The following DACH2 variants were observed in gnomAD, a reference collection of about 807,000 sequenced individuals.
DACH2 encodes dachshund family transcription factor 2.
A neutral mutation model predicts 35.8 loss-of-function variants in DACH2; 17 were observed. That is an observed-to-expected ratio of 0.48 (90% CI 0.33 to 0.71). The LOEUF (loss-of-function observed/expected upper bound fraction) is 0.71, where lower values mean the gene tolerates loss of function less well. Among genes scored for constraint, DACH2 ranks in the 30% least tolerant of loss-of-function variants. DACH2 has a pLI of 0.02. For synonymous variants in DACH2, 195 were observed against 177.3 expected (o/e 1.10, Z -0.79); for missense variants, 469 against 472.7 (o/e 0.99, Z 0.07).
intron 1 of DACH2, among the ~76,000 whole-genome samples, chrX:86,206,353 G>A (rs779744033): frequency 8.9e-6 from 1 of 111,796 alleles, no homozygotes; most frequent in South Asian, 3.7e-4. Flanking sequence ...GGCACATGGT[G>A]AAGAATGCGC....
intron 5 of DACH2, among the ~76,000 whole-genome samples, chrX:86,703,623 C>A (rs1268355051): frequency 9.0e-6 from 1 of 111,317 alleles, no homozygotes; most frequent in African/African-American, 3.3e-5. Context: ...TTCTATACAC[C>A]CATAAGATTC....
At chrX:86,474,556 C>A (rs1219783991) in intron 2 of DACH2, among the ~76,000 whole-genome samples, 1 of 111,595 alleles carries the variant, frequency 9.0e-6, no homozygotes, top group Non-Finnish European at 1.9e-5. Flanking sequence ...AGATAGGGGT[C>A]TAGTTTCATT....
chrX:86,341,298 T>C (rs1353342889), intron 1 of DACH2, among the ~76,000 whole-genome samples: 1 of 111,573 alleles, frequency 9.0e-6, no homozygotes, highest in African/African-American at 3.3e-5. Flanking sequence ...CATTTACCAT[T>C]CTGAAAATCC....
intron 3 of DACH2, among the ~76,000 whole-genome samples, chrX:86,575,464 G>A (rs1312096539): frequency 9.0e-6 from 1 of 110,995 alleles, no homozygotes; most frequent in Non-Finnish European, 1.9e-5. Context: ...GCCTAAGAAG[G>A]TGATTTAACA....
At chrX:86,819,263 G>A (rs1297393045) in intron 11 of DACH2, among the ~76,000 whole-genome samples, 3 of 110,117 alleles carry the variant, frequency 2.7e-5, no homozygotes, top group Non-Finnish European at 5.7e-5. Flanking sequence ...CAATGGTTAT[G>A]TCCACTATCT....
At chrX:86,582,560 A>C (rs1048443880) in intron 3 of DACH2, among the ~76,000 whole-genome samples, 2 of 110,481 alleles carry the variant, frequency 1.8e-5, no homozygotes, top group Non-Finnish European at 3.8e-5. Context: ...ACACACAAAA[A>C]CCCTCAGATA....
At chrX:86,733,068 T>G (rs1203164973) in intron 6 of DACH2, among the ~76,000 whole-genome samples, 2 of 111,708 alleles carry the variant, frequency 1.8e-5, no homozygotes, top group African/African-American at 6.5e-5. Flanking sequence ...AAATAATATT[T>G]GAATGTTTAC....
chrX:86,708,406 C>T (rs2041242948), intron 5 of DACH2, among the ~76,000 whole-genome samples: 1 of 111,134 alleles, frequency 9.0e-6, no homozygotes, highest in African/African-American at 3.3e-5. Flanking sequence ...ACAAAAAATT[C>T]TCATAGAACT....
intron 3 of DACH2, among the ~76,000 whole-genome samples, chrX:86,597,615 A>G (rs1225657057): frequency 9.0e-6 from 1 of 111,669 alleles, no homozygotes; most frequent in Non-Finnish European, 1.9e-5. Context: ...ATCCATATGC[A>G]CTTGAGAGTA....
intron 1 of DACH2, among the ~76,000 whole-genome samples, chrX:86,335,173 A>T (rs1324780834): frequency 2.7e-5 from 3 of 111,543 alleles, no homozygotes; most frequent in Non-Finnish European, 5.6e-5. Context: ...CTTGTAGTAA[A>T]GTTTGAAGTC....
chrX:86,712,006 A>G (rs1160341464), intron 5 of DACH2, among the ~76,000 whole-genome samples: 1 of 111,874 alleles, frequency 8.9e-6, no homozygotes, highest in African/African-American at 3.3e-5. Flanking sequence ...AGGGAACTGT[A>G]AATTGAACAA....
chrX:86,751,678 CA>C (rs2041774540), intron 7 of DACH2, among the ~76,000 whole-genome samples: 1 of 109,592 alleles, frequency 9.1e-6, no homozygotes, highest in African/African-American at 3.3e-5. Context: ...ACACAAAAAA[CA>C]AGAAGACAGA....
At chrX:86,333,465 G>A (rs1242558666) in intron 1 of DACH2, among the ~76,000 whole-genome samples, 1 of 111,535 alleles carries the variant, frequency 9.0e-6, no homozygotes, top group African/African-American at 3.3e-5. Flanking sequence ...ACAGTAGCAA[G>A]TGTGGTCATT....
At chrX:86,154,605 T>G (rs755672279) in intron 1 of DACH2, among the ~76,000 whole-genome samples, 61 of 111,670 alleles carry the variant, frequency 5.5e-4, no homozygotes, top group Non-Finnish European at 9.6e-4. Context: ...GTGTTTTGAT[T>G]TATCTCTTTT....
chrX:86,667,120 G>C (rs2040680182), intron 4 of DACH2, among the ~76,000 whole-genome samples: 2 of 102,879 alleles, frequency 1.9e-5, no homozygotes, highest in African/African-American at 7.1e-5. Context: ...GCCTGGCGTG[G>C]TGGTGCACAC....
At chrX:86,484,529 G>A in intron 2 of DACH2, among the ~76,000 whole-genome samples, 1 of 111,987 alleles carries the variant, frequency 8.9e-6, no homozygotes, top group East Asian at 2.8e-4. Flanking sequence ...TTAAGAATGT[G>A]GTATTAGATT....
intron 1 of DACH2, among the ~76,000 whole-genome samples, chrX:86,157,482 T>C (rs1448079148): frequency 8.9e-6 from 1 of 111,815 alleles, no homozygotes; most frequent in Non-Finnish European, 1.9e-5. Context: ...TTGATCTAGT[T>C]TTATTGCATT....
At chrX:86,463,628 G>T (rs1050280391) in intron 2 of DACH2, among the ~76,000 whole-genome samples, 2 of 111,276 alleles carry the variant, frequency 1.8e-5, no homozygotes, top group African/African-American at 6.5e-5. Flanking sequence ...AAGACTTCAT[G>T]ACTAAAACAC....
chrX:86,264,562 A>T (rs1763720247), intron 1 of DACH2, among the ~76,000 whole-genome samples: 1 of 111,764 alleles, frequency 8.9e-6, no homozygotes, highest in Non-Finnish European at 1.9e-5. Flanking sequence ...TAAAAGCCTG[A>T]TATCTTTACT....
Sources: allele counts gnomAD v4.1 joint callset (sites outside exome capture counted in the v4.1 genomes callset), GRCh38; gene constraint gnomAD v4.1.1; transcripts MANE v1.5; gene names NCBI Gene and HGNC (gene_info 2026-07-23, HGNC 2026-07-21).